PDE4D: variants seen among roughly 807,000 people sequenced by gnomAD.
PDE4D encodes phosphodiesterase 4D.
In PDE4D, 24 loss-of-function variants were observed where a neutral mutation model predicts 87.4. The observed-to-expected ratio is 0.27, with a 90% confidence interval of 0.20 to 0.39. PDE4D has a LOEUF of 0.39. Among genes scored for constraint, PDE4D ranks in the 10% least tolerant of loss-of-function variants. PDE4D has a pLI of 1.00. For synonymous variants in PDE4D, 384 were observed against 383.2 expected, an observed-to-expected ratio of 1.00 and a Z score of -0.02; for missense variants, 714 against 1,041.0, an observed-to-expected ratio of 0.69 and a Z score of 4.32.
chr5:59,417,898 C>T (rs1397648595), intron 1 of PDE4D, among the ~76,000 whole-genome samples: 1 of 152,176 alleles, frequency 6.6e-6, no homozygotes, highest in African/African-American at 2.4e-5. Context: ...CCACGTTAGG[C>T]CCTAATTACC....
chr5:59,746,475 A>T (rs1759623875), intron 1 of PDE4D, among the ~76,000 whole-genome samples: 1 of 152,162 alleles, frequency 6.6e-6, no homozygotes, highest in African/African-American at 2.4e-5. Flanking sequence ...CCATCCCAGC[A>T]GAGGAGTTTG....
chr5:60,409,105 T>G (rs769092397), intron 1 of PDE4D, among the ~76,000 whole-genome samples: 1 of 152,104 alleles, frequency 6.6e-6, no homozygotes, highest in Non-Finnish European at 1.5e-5. Context: ...AATAGTGACT[T>G]ATGCAGAAAA....
chr5:60,093,398 C>A (rs889400627), intron 2 of PDE4D, among the ~76,000 whole-genome samples: 1 of 152,198 alleles, frequency 6.6e-6, no homozygotes, highest in African/African-American at 2.4e-5. Flanking sequence ...TCTCTGCTTT[C>A]CACTTGTTCC....
At chr5:60,505,141 C>G (rs1750267331) in intron 1 of PDE4D, among the ~76,000 whole-genome samples, 1 of 152,218 alleles carries the variant, frequency 6.6e-6, no homozygotes, top group Admixed American at 6.5e-5. Context: ...TAAGACTATA[C>G]AGACAGAATA....
At chr5:59,545,845 G>A (rs1020305471) in intron 1 of PDE4D, among the ~76,000 whole-genome samples, 2 of 152,046 alleles carry the variant, frequency 1.3e-5, no homozygotes, top group African/African-American at 4.8e-5. Flanking sequence ...AATTGTTGAC[G>A]AAGTAAAATA....
At chr5:60,010,347 T>C (rs1173602843) in intron 2 of PDE4D, among the ~76,000 whole-genome samples, 1 of 152,172 alleles carries the variant, frequency 6.6e-6, no homozygotes, top group Non-Finnish European at 1.5e-5. Flanking sequence ...CAAAGCACAA[T>C]GTATTCTGAA....
intron 1 of PDE4D, among the ~76,000 whole-genome samples, chr5:60,317,447 T>C (rs1465317463): frequency 6.6e-6 from 1 of 152,214 alleles, no homozygotes; most frequent in African/African-American, 2.4e-5. Context: ...AGCTCTTGGA[T>C]TCATTGATTT....
chr5:59,406,361 T>C (rs190432435), intron 1 of PDE4D, among the ~76,000 whole-genome samples: 6 of 151,140 alleles, frequency 4.0e-5, no homozygotes, highest in Admixed American at 6.6e-5. Flanking sequence ...TGGTATTGCT[T>C]GTAACGTCTC....
chr5:59,673,571 A>G (rs781218619), intron 1 of PDE4D, among the ~76,000 whole-genome samples: 1 of 152,180 alleles, frequency 6.6e-6, no homozygotes, highest in Non-Finnish European at 1.5e-5. Flanking sequence ...CCAGGTTTCT[A>G]TGTGAAATAC....
chr5:60,106,255 C>G (rs1297866621), intron 2 of PDE4D, among the ~76,000 whole-genome samples: 2 of 151,576 alleles, frequency 1.3e-5, no homozygotes, highest in South Asian at 2.1e-4. Context: ...TCAAAAGAGA[C>G]AAAGAAGGCC....
chr5:60,268,219 C>T (rs1407717945), intron 1 of PDE4D, among the ~76,000 whole-genome samples: 1 of 152,164 alleles, frequency 6.6e-6, no homozygotes, highest in Non-Finnish European at 1.5e-5. Context: ...AAAAAGCCTT[C>T]ATCATGCCTG....
Position 59,145,741 on chromosome 5 carries a change from G to A in PDE4D, c.808+34854C>T, listed in dbSNP as rs4700322. On this transcript the variant is annotated intron_variant, in intron 5 of 14. Coordinates refer to ENST00000340635, the MANE Select transcript of PDE4D (RefSeq NM_001104631.2). ...TTCACCTACATAATTCCATGTCTGCGAAATCATGTGGTGTTTCTAGTGAAC... is the reference window on the plus strand; with the variant it reads ...TTCACCTACATAATTCCATGTCTGCAAAATCATGTGGTGTTTCTAGTGAAC... Among the ~76,000 whole-genome samples, 189 of 152,076 alleles carry A rather than the reference G, an allele frequency of 1.2e-3. 2 individuals carry two copies. The Middle Eastern group carries it at 0.017, about 14-fold the overall frequency.
At chr5:60,231,852 G>C (rs1007352233) in intron 1 of PDE4D, among the ~76,000 whole-genome samples, 1 of 151,924 alleles carries the variant, frequency 6.6e-6, no homozygotes, top group African/African-American at 2.4e-5. Context: ...CAGTTTAGCT[G>C]TGGAGAGGAG....
chr5:60,106,796 T>G (rs200452976), intron 2 of PDE4D, among the ~76,000 whole-genome samples: 5 of 150,030 alleles, frequency 3.3e-5, no homozygotes, highest in African/African-American at 4.9e-5. Flanking sequence ...AATAAAGATA[T>G]TCTTTGAAAC....
chr5:59,823,192 A>G (rs577390423), intron 1 of PDE4D, among the ~76,000 whole-genome samples: 7 of 152,190 alleles, frequency 4.6e-5, no homozygotes, highest in African/African-American at 1.7e-4. Flanking sequence ...AAAGAGTTTC[A>G]TCTCTCACCT....
At chr5:59,155,263 G>A (rs544201652) in intron 5 of PDE4D, among the ~76,000 whole-genome samples, 1 of 152,320 alleles carries the variant, frequency 6.6e-6, no homozygotes, top group South Asian at 2.1e-4. Flanking sequence ...TGGGGAGGAA[G>A]AGAGACCATG....
chr5:59,916,983 T>C (rs1054975752), intron 3 of PDE4D, among the ~76,000 whole-genome samples: 21 of 121,876 alleles, frequency 1.7e-4, no homozygotes, highest in Non-Finnish European at 3.0e-4. Flanking sequence ...TTTTTTTTTT[T>C]AGTAGAGAGG....
At chr5:60,127,603 T>C (rs1197865659) in intron 2 of PDE4D, 2 of 523,732 alleles carry the variant, frequency 3.8e-6, no homozygotes, top group African/African-American at 2.0e-5. Flanking sequence ...GGGAGGAAGA[T>C]GAAGGTGAAG....
chr5:59,884,579 A>T (rs1749899620), intron 1 of PDE4D, among the ~76,000 whole-genome samples: 1 of 152,004 alleles, frequency 6.6e-6, no homozygotes. Context: ...TTCCAGATGT[A>T]TACTATTATA....
Sources: allele counts gnomAD v4.1 joint callset (sites outside exome capture counted in the v4.1 genomes callset), GRCh38; gene constraint gnomAD v4.1.1; transcripts MANE v1.5; gene names NCBI Gene and HGNC (gene_info 2026-07-23, HGNC 2026-07-21).